CSRNP3: variants seen among roughly 807,000 people sequenced by gnomAD.
The protein encoded by CSRNP3 is cysteine/serine-rich nuclear protein 3.
In CSRNP3, 12 loss-of-function variants were observed where a neutral mutation model predicts 48.0. That is an observed-to-expected ratio of 0.25 (90% CI 0.16 to 0.41). The LOEUF is 0.41. Among genes scored for constraint, CSRNP3 ranks in the 10% least tolerant of loss-of-function variants. The pLI, the probability that CSRNP3 is intolerant of heterozygous loss-of-function variation, is 1.00. For synonymous variants in CSRNP3, 263 were observed against 269.7 expected, an observed-to-expected ratio of 0.98 and a Z score of 0.24; for missense variants, 580 against 724.4, an observed-to-expected ratio of 0.80 and a Z score of 2.29.
chr2:165,484,441 G>A (rs529491294), intron 1 of CSRNP3, among the ~76,000 whole-genome samples: 24 of 152,268 alleles, frequency 1.6e-4, no homozygotes, highest in Middle Eastern at 3.4e-3. Context: ...GCGGATCTGG[G>A]AGTAGAATTG....
intron 3 of CSRNP3, among the ~76,000 whole-genome samples, chr2:165,564,082 C>G (rs1006908591): frequency 1.3e-5 from 2 of 152,124 alleles, no homozygotes; most frequent in African/African-American, 4.8e-5. Context: ...ACGTGAACCC[C>G]CTTGTGGTAC....
At chr2:165,481,943 C>T (rs899846933) in intron 1 of CSRNP3, among the ~76,000 whole-genome samples, 5 of 151,962 alleles carry the variant, frequency 3.3e-5, no homozygotes, top group Admixed American at 1.3e-4. Flanking sequence ...AGACAGAGTG[C>T]GGGAAGGTGG....
At chr2:165,660,102 C>T (rs1687071169) in intron 5 of CSRNP3, among the ~76,000 whole-genome samples, 1 of 152,152 alleles carries the variant, frequency 6.6e-6, no homozygotes, top group African/African-American at 2.4e-5. Flanking sequence ...CTCAGATTTG[C>T]TTCTCTTCTG....
intron 4 of CSRNP3, among the ~76,000 whole-genome samples, chr2:165,653,357 CAT>C (rs1278505365): frequency 9.2e-5 from 14 of 152,306 alleles, no homozygotes; most frequent in Admixed American, 1.3e-4. Flanking sequence ...AACACAAACA[CAT>C]GTTTGAATTA....
At chr2:165,652,699 C>T (rs1476008079) in intron 4 of CSRNP3, among the ~76,000 whole-genome samples, 1 of 152,012 alleles carries the variant, frequency 6.6e-6, no homozygotes, top group African/African-American at 2.4e-5. Context: ...CACACCACCA[C>T]ACCTGGCTAA....
intron 3 of CSRNP3, among the ~76,000 whole-genome samples, chr2:165,535,672 A>T (rs896432101): frequency 1.3e-5 from 2 of 151,796 alleles, no homozygotes; most frequent in Admixed American, 1.3e-4. Context: ...AGAGAATAAA[A>T]ATCTTGCTGG....
chr2:165,678,797 T>G lies in CSRNP3; in HGVS notation c.802T>G (p.Phe268Val). 6.2e-7 allele frequency: 1 copy of G among 1,614,068 alleles called. No individual in the cohort carries two copies. The highest frequency in any genetic ancestry group is 8.5e-7 in the Non-Finnish European group (1 of 1,179,978). Reference protein sequence around the residue: ...EFNPIRVRTHFLHTIMKLELE... With the variant: ...EFNPIRVRTHVLHTIMKLELE... The stretch of plus-strand genomic sequence containing the variant: ...TAATCCTATCCGTGTTCGGACTCAC[T>G]TTTTGCACACAATAATGAAACTTGA... The change falls in exon 7 of 7, where the codon TTT becomes GTT. Residue 268 changes from phenylalanine to valine, a missense_variant. Around this residue, in one of 4 missense-constraint regions of CSRNP3, gnomAD observed 66 missense variants for 137.6 expected, o/e 0.48. Transcript: ENST00000651982.
chr2:165,616,692 C>G (rs1686250667), intron 4 of CSRNP3, among the ~76,000 whole-genome samples: 1 of 152,066 alleles, frequency 6.6e-6, no homozygotes, highest in Non-Finnish European at 1.5e-5. Context: ...AATTACCTAT[C>G]TTTGACTTTT....
At chr2:165,581,865 G>C (rs951892884) in intron 3 of CSRNP3, among the ~76,000 whole-genome samples, 1 of 152,104 alleles carries the variant, frequency 6.6e-6, no homozygotes, top group African/African-American at 2.4e-5. Context: ...TGCAAACTGA[G>C]ACCCAGAGAA....
At position 165,601,678 on chromosome 2, in the gene CSRNP3, CT is replaced by C. The variant is rs112730630; in HGVS notation, c.148+6467del. Among the ~76,000 whole-genome samples, 462 of 152,044 alleles carry C rather than the reference CT, an allele frequency of 3.0e-3. 1 individual carries two copies. Among genetic ancestry groups the C allele is most frequent in the East Asian group, 0.014 (73 of 5,146 alleles). On this transcript the variant is annotated intron_variant, in intron 4 of 6. Transcript: ENST00000651982. Reference sequence around the variant, plus strand: ...CTTCCTTCCTTGTCTCCCTCCCTCCCTTCTCTCCTTCCCTCCCTCCCTTTTC... The same window carrying C: ...CTTCCTTCCTTGTCTCCCTCCCTCCCTCTCTCCTTCCCTCCCTCCCTTTTC...
At chr2:165,602,419 C>T (rs1340286419) in intron 4 of CSRNP3, among the ~76,000 whole-genome samples, 1 of 152,190 alleles carries the variant, frequency 6.6e-6, no homozygotes, top group Non-Finnish European at 1.5e-5. Flanking sequence ...GGTACACAAT[C>T]TGGGACCAGC....
At chr2:165,579,465 C>G (rs1324753188) in intron 3 of CSRNP3, among the ~76,000 whole-genome samples, 1 of 152,154 alleles carries the variant, frequency 6.6e-6, no homozygotes, top group Non-Finnish European at 1.5e-5. Context: ...CTCTGCTCTA[C>G]TATTTTTCCA....
intron 6 of CSRNP3, among the ~76,000 whole-genome samples, chr2:165,677,583 T>TAA (rs34615804): frequency 0.032 from 4,613 of 144,700 alleles, 224 homozygotes; most frequent in African/African-American, 0.1. Context: ...GATTCATGAG[T>TAA]AAAAAAAAAA....
Position 165,537,942 on chromosome 2 carries a change from G to A in CSRNP3, c.-24+19981G>A, listed in dbSNP as rs571226405. Among the ~76,000 whole-genome samples, 63 of 152,064 alleles carry A rather than the reference G, an allele frequency of 4.1e-4. 2 individuals carry two copies. The South Asian group carries it at 0.012, about 30-fold the overall frequency. The stretch of plus-strand genomic sequence containing the variant: ...GAGAATCTTAAATGAAGAAGAGGTA[G>A]CCCCTGTTTGATGAAACTACTGAGC... On this transcript the variant is annotated intron_variant, in intron 3 of 6. Transcript: ENST00000651982.
intron 5 of CSRNP3, among the ~76,000 whole-genome samples, chr2:165,672,612 T>A (rs898703234): frequency 5.9e-5 from 9 of 152,258 alleles, no homozygotes; most frequent in East Asian, 1.9e-4. Flanking sequence ...CCAGACCATA[T>A]CATGCATCAT....
intron 4 of CSRNP3, among the ~76,000 whole-genome samples, chr2:165,617,730 G>C (rs1558952024): frequency 6.6e-6 from 1 of 152,196 alleles, no homozygotes; most frequent in South Asian, 2.1e-4. Context: ...CATAGCAATG[G>C]TAGTCCCAGG....
At chr2:165,591,977 C>T (rs754909572) in intron 3 of CSRNP3, among the ~76,000 whole-genome samples, 1 of 152,156 alleles carries the variant, frequency 6.6e-6, no homozygotes, top group Non-Finnish European at 1.5e-5. Flanking sequence ...ATGGAAGATC[C>T]ACTGACAGCT....
At chr2:165,658,119 C>T (rs2105347117) in intron 5 of CSRNP3, 99 bp downstream of exon 5, 2 of 1,302,518 alleles carry the variant, frequency 1.5e-6, no homozygotes, top group Non-Finnish European at 2.1e-6. Context: ...AAACTGGGCA[C>T]TTTACATAAC....
intron 2 of CSRNP3, among the ~76,000 whole-genome samples, chr2:165,516,542 A>G (rs1318620869): frequency 3.3e-5 from 5 of 152,212 alleles, no homozygotes; most frequent in Non-Finnish European, 4.4e-5. Context: ...TAATGCATAT[A>G]TACTTCAAAA....
Sources: allele counts gnomAD v4.1 joint callset (sites outside exome capture counted in the v4.1 genomes callset), GRCh38; gene constraint gnomAD v4.1.1; regional missense constraint gnomAD v4.1.1; transcripts MANE v1.5; gene names NCBI Gene and HGNC (gene_info 2026-07-23, HGNC 2026-07-21).